ANO4: variants seen among roughly 807,000 people sequenced by gnomAD.
ANO4 encodes anoctamin-4.
In ANO4, 69 loss-of-function variants were observed where a neutral mutation model predicts 141.9. The ratio of observed to expected loss-of-function variants is 0.49; its 90% CI spans 0.40 to 0.59. The LOEUF (loss-of-function observed/expected upper bound fraction) is 0.59, where lower values mean the gene tolerates loss of function less well. ANO4 is among the 20% of genes least tolerant of loss of function. ANO4 has a pLI of 0.00. For missense variants in ANO4, 894 were observed against 1,162.2 expected (o/e 0.77, Z 3.36); for synonymous variants, 350 against 394.3 (o/e 0.89, Z 1.33).
At chr12:101,108,555 C>T (rs184124257) in intron 22 of ANO4, among the ~76,000 whole-genome samples, 1 of 152,178 alleles carries the variant, frequency 6.6e-6, no homozygotes, top group East Asian at 1.9e-4. Context: ...AGAACAATGC[C>T]TGTTTTTACA....
chr12:100,960,249 T>C (rs1300651147), intron 5 of ANO4, among the ~76,000 whole-genome samples: 1 of 147,472 alleles, frequency 6.8e-6, no homozygotes, highest in African/African-American at 2.5e-5. Context: ...TACATACATA[T>C]TCACACACAC....
chr12:100,816,013 A>G (rs934214881), intron 1 of ANO4, among the ~76,000 whole-genome samples: 49 of 152,132 alleles, frequency 3.2e-4, no homozygotes, highest in Admixed American at 5.2e-4. Context: ...AATGAAGTTA[A>G]TTTTTAAAAC....
Position 101,042,363 on chromosome 12 carries a change from A to G in ANO4, c.1049A>G (p.Tyr350Cys), listed in dbSNP as rs759786251. 15 of 1,613,954 alleles carry G rather than the reference A, an allele frequency of 9.3e-6. No individual in the cohort carries two copies. The highest frequency in any genetic ancestry group is 1.2e-5 in the Non-Finnish European group (14 of 1,179,972). Residue 350 changes from tyrosine to cysteine, a missense_variant, in exon 12 of 28, where the codon TAT becomes TGT. Around this residue, in one of 2 missense-constraint regions of ANO4, gnomAD observed 637 missense variants for 909.2 expected, o/e 0.70. Coordinates refer to ENST00000392977, the MANE Select transcript of ANO4 (RefSeq NM_001286615.2). ...RRYFGEKIGL[Y>C]FAWLGWYTGM... ...TACTTTGGAGAGAAGATTGGGTTAT[A>G]TTTTGCCTGGTTGGGCTGGTACACC...
intron 5 of ANO4, among the ~76,000 whole-genome samples, chr12:100,955,571 G>A (rs956756407): frequency 2.6e-5 from 4 of 152,238 alleles, no homozygotes; most frequent in Admixed American, 1.3e-4. Flanking sequence ...AGAGTCATAA[G>A]GTTCTAGAAG....
At chr12:100,952,302 C>G (rs1259298263) in intron 5 of ANO4, among the ~76,000 whole-genome samples, 4 of 152,144 alleles carry the variant, frequency 2.6e-5, no homozygotes, top group Non-Finnish European at 5.9e-5. Context: ...GCCTTAGTTT[C>G]TTTGTTTGTT....
intron 14 of ANO4, among the ~76,000 whole-genome samples, chr12:101,065,206 C>A (rs776397243): frequency 1.3e-5 from 2 of 152,004 alleles, no homozygotes; most frequent in African/African-American, 2.4e-5. Flanking sequence ...TGGTAAGAAT[C>A]TTCTATGCAT....
At chr12:101,110,692 A>T (rs1238848602) in intron 23 of ANO4, 136 bp downstream of exon 23, 1 of 755,038 alleles carries the variant, frequency 1.3e-6, no homozygotes, top group Non-Finnish European at 1.9e-6. Flanking sequence ...AAGAATAATT[A>T]TATTAGTTTT....
At chr12:100,773,989 A>G (rs986938221) in intron 3 of ANO4, among the ~76,000 whole-genome samples, 1 of 152,192 alleles carries the variant, frequency 6.6e-6, no homozygotes, top group Non-Finnish European at 1.5e-5. Context: ...CATATTGTCT[A>G]TGGCTACTTT....
In ANO4 at chr12:101,109,063, A is replaced by T. The variant is rs111328625; in HGVS notation, c.2150-1341A>T. On this transcript the variant is annotated intron_variant, in intron 22 of 27. Coordinates refer to ENST00000392977, the MANE Select transcript of ANO4 (RefSeq NM_001286615.2). ...TGTCTTTGTTTTTCATGATCTTGAC[A>T]TATTTGCAGAGTATTTGTCAGTAGT... Among the ~76,000 whole-genome samples the T allele has an allele frequency of 4.4e-3, 671 of 152,218 alleles. 9 individuals are homozygous for T. The highest frequency in any genetic ancestry group is 0.016 in the African/African-American group (647 of 41,528).
chr12:100,717,678 C>G (rs957252829), intron 1 of ANO4: 2 of 394,914 alleles, frequency 5.1e-6, no homozygotes, highest in Non-Finnish European at 8.9e-6. Flanking sequence ...AGACGGCGGC[C>G]GTGCGCGCCG....
chr12:100,868,309 A>G (rs2038861602), intron 1 of ANO4, among the ~76,000 whole-genome samples: 2 of 152,170 alleles, frequency 1.3e-5, no homozygotes, highest in Non-Finnish European at 2.9e-5. Flanking sequence ...ACTTGGTGAG[A>G]GGCTAAAATC....
intron 7 of ANO4, among the ~76,000 whole-genome samples, chr12:100,979,438 C>T (rs760164950): frequency 1.3e-5 from 2 of 152,036 alleles, no homozygotes; most frequent in Non-Finnish European, 2.9e-5. Flanking sequence ...TGTTACTGAT[C>T]CTGGACCACA....
At chr12:100,804,396 G>C (rs113934487) in intron 1 of ANO4, among the ~76,000 whole-genome samples, 1,908 of 152,298 alleles carry the variant, frequency 0.013, 25 homozygotes, top group Middle Eastern at 0.02. Context: ...ATTGTGAACA[G>C]TGCTGCAGTG....
intron 1 of ANO4, among the ~76,000 whole-genome samples, chr12:100,825,537 G>A (rs559567129): frequency 3.0e-4 from 45 of 152,134 alleles, no homozygotes; most frequent in African/African-American, 1.0e-3. Flanking sequence ...TGTCTAAGGA[G>A]CAGAACAGAC....
chr12:100,967,206 C>T (rs1221621721), intron 5 of ANO4, among the ~76,000 whole-genome samples: 1 of 151,956 alleles, frequency 6.6e-6, no homozygotes. Context: ...TTTTCTCTCC[C>T]CAAGGTTTTA....
At position 100,782,804 on chromosome 12, in the gene ANO4, G is replaced by A. The variant is rs2033751186; in HGVS notation, c.358+42699G>A. Among the ~76,000 whole-genome samples, 9 of 152,118 alleles carry A rather than the reference G, an allele frequency of 5.9e-5. 1 individual carries two copies. In the South Asian group the frequency reaches 1.9e-3, roughly 32 times the overall value. ...TGTAATACTAAGGGTATTATCCAAA[G>A]TGTACTGAGGCTTTCTCTTTCCCAC... On this transcript the variant is annotated intron_variant, in intron 3 of 29. Coordinates refer to the ANO4 transcript ENST00000644049.
chr12:100,793,562 A>G (rs1355012025), upstream of ANO4, among the ~76,000 whole-genome samples: 2 of 151,988 alleles, frequency 1.3e-5, no homozygotes, highest in Non-Finnish European at 2.9e-5. Flanking sequence ...ACATCATGTA[A>G]GTCACCTGGA....
At chr12:100,753,741 G>A (rs2032487347) in intron 3 of ANO4, among the ~76,000 whole-genome samples, 1 of 152,180 alleles carries the variant, frequency 6.6e-6, no homozygotes, top group African/African-American at 2.4e-5. Flanking sequence ...CATGAAATTA[G>A]ATATCTAAAT....
intron 1 of ANO4, among the ~76,000 whole-genome samples, chr12:100,898,913 T>C (rs1270560061): frequency 6.6e-6 from 1 of 152,226 alleles, no homozygotes; most frequent in Non-Finnish European, 1.5e-5. Flanking sequence ...TGCATTCTTC[T>C]GGAGTCTTGA....
Sources: allele counts gnomAD v4.1 joint callset (sites outside exome capture counted in the v4.1 genomes callset), GRCh38; gene constraint gnomAD v4.1.1; regional missense constraint gnomAD v4.1.1; transcripts MANE v1.5; gene names NCBI Gene and HGNC (gene_info 2026-07-23, HGNC 2026-07-21).